The following DLG5 variants were observed in gnomAD, a reference collection of about 807,000 sequenced individuals.
The protein encoded by DLG5 is disks large homolog 5.
A neutral mutation model predicts 189.8 loss-of-function variants in DLG5; 48 were observed. The ratio of observed to expected loss-of-function variants is 0.25; its 90% CI spans 0.20 to 0.32. The LOEUF (loss-of-function observed/expected upper bound fraction) is 0.32, where lower values mean the gene tolerates loss of function less well. DLG5 is among the 10% of genes least tolerant of loss of function. The probability of loss-of-function intolerance (pLI) is 1.00; values close to 1 mark genes in which losing one functional copy is unlikely to be tolerated. For missense variants in DLG5, 2,160 were observed against 2,544.7 expected, an observed-to-expected ratio of 0.85 and a Z score of 3.25; for synonymous variants, 1,016 against 1,054.1, an observed-to-expected ratio of 0.96 and a Z score of 0.70.
rs757999059 is a variant in DLG5 at position 77,835,865 on chromosome 10, G to C, written c.1495C>G (p.Arg499Gly). ...TGGCACAGAGCCTTGCACTGCTTTC[G>C]AAGGATTTCAACCTCCTTGTTGGCT... ...GRANKEVEIL[R>G]KQCKALCQEL... is the part of the protein sequence containing the mutation. The change falls in exon 8 of 32, where the codon CGA becomes GGA. Residue 499 changes from arginine to glycine, a missense_variant. By Grantham distance (125) the Arg-to-Gly change is moderately radical. Coordinates refer to ENST00000372391, the MANE Select transcript of DLG5 (RefSeq NM_004747.4). 1.2e-6 allele frequency: 2 copies of C among 1,614,000 alleles called. No individual in the cohort carries two copies. Among genetic ancestry groups the C allele is most frequent in the South Asian group, 2.2e-5 (2 of 91,080 alleles).
chr10:77,829,229 T>C (rs1385889167), intron 12 of DLG5, 126 bp downstream of exon 12: 3 of 1,336,090 alleles, frequency 2.2e-6, no homozygotes, highest in Middle Eastern at 2.7e-4. Context: ...GCACATGGGC[T>C]ACATTTAAAT....
intron 19 of DLG5, 113 bp from the exon 20 acceptor site, chr10:77,816,814 T>G: frequency 6.9e-7 from 1 of 1,452,422 alleles, no homozygotes; most frequent in South Asian, 1.3e-5. Flanking sequence ...CTGCATCGCA[T>G]AGTCTGGAGC....
intron 1 of DLG5, among the ~76,000 whole-genome samples, chr10:77,871,536 C>CTTTTTTTT (rs34326711): frequency 2.1e-4 from 18 of 83,912 alleles, no homozygotes; most frequent in Admixed American, 3.7e-4. Context: ...AAGCATCACA[C>CTTTTTTTT]TTTTTTTTTT....
chr10:77,888,431 A>C (rs1373929310), intron 1 of DLG5, among the ~76,000 whole-genome samples: 1 of 152,200 alleles, frequency 6.6e-6, no homozygotes, highest in Non-Finnish European at 1.5e-5. Context: ...GTAGCAAAGA[A>C]TGTGCAAAAA....
At chr10:77,810,986 C>T in intron 23 of DLG5, 108 bp downstream of exon 23, 1 of 1,411,482 alleles carries the variant, frequency 7.1e-7, no homozygotes, top group East Asian at 2.4e-5. Flanking sequence ...GGTGTGCGGC[C>T]TGCAGCACAT....
intron 2 of DLG5, among the ~76,000 whole-genome samples, chr10:77,867,728 A>G (rs762869025): frequency 3.9e-5 from 6 of 152,240 alleles, no homozygotes; most frequent in Non-Finnish European, 8.8e-5. Context: ...TGTGAACCTT[A>G]TTTGGAAAGG....
intron 2 of DLG5, among the ~76,000 whole-genome samples, chr10:77,866,496 T>C (rs1368814751): frequency 1.3e-5 from 2 of 152,204 alleles, no homozygotes; most frequent in Non-Finnish European, 2.9e-5. Flanking sequence ...CCTTTGCTCA[T>C]AAGAACCCCG....
chr10:77,807,784 A>T lies in DLG5; in HGVS notation c.4796+12T>A. On this transcript the variant is annotated intron_variant, in intron 25 of 31. Coordinates refer to ENST00000372391, the MANE Select transcript of DLG5 (RefSeq NM_004747.4). Reference sequence around the variant, plus strand: ...GTTCCAAATCTCCCACCGATTCCCCAGCCACTGGTACCTGATGTAGAAGCT... The same window carrying T: ...GTTCCAAATCTCCCACCGATTCCCCTGCCACTGGTACCTGATGTAGAAGCT... 1 of 1,609,266 alleles carries T rather than the reference A, an allele frequency of 6.2e-7. No individual in the cohort carries two copies.
chr10:77,807,016 T>G, intron 25 of DLG5, 88 bp from the exon 26 acceptor site: 1 of 1,453,968 alleles, frequency 6.9e-7, no homozygotes, highest in Non-Finnish European at 9.4e-7. Flanking sequence ...CCCCTAAGGC[T>G]GCCATTCTGC....
intron 1 of DLG5, among the ~76,000 whole-genome samples, chr10:77,875,732 G>A (rs1845065346): frequency 6.6e-6 from 1 of 152,062 alleles, no homozygotes; most frequent in African/African-American, 2.4e-5. Context: ...GGGGGACAGA[G>A]GGCTCATATC....
intron 1 of DLG5, among the ~76,000 whole-genome samples, chr10:77,912,922 G>A (rs1256832866): frequency 6.6e-6 from 1 of 152,124 alleles, no homozygotes; most frequent in Non-Finnish European, 1.5e-5. Flanking sequence ...TCTGTGAACT[G>A]TGGAGAACCC....
chr10:77,849,043 C>T (rs1465630512), intron 5 of DLG5, among the ~76,000 whole-genome samples: 1 of 152,198 alleles, frequency 6.6e-6, no homozygotes, highest in Admixed American at 6.5e-5. Context: ...ACTCGGACTG[C>T]CCAAACCCAG....
At chr10:77,863,113 A>G (rs1844537891) in intron 2 of DLG5, among the ~76,000 whole-genome samples, 1 of 152,194 alleles carries the variant, frequency 6.6e-6, no homozygotes, top group African/African-American at 2.4e-5. Context: ...CTTTTTTGAG[A>G]CAGGGTCTTG....
chr10:77,872,206 C>T (rs889204370), intron 1 of DLG5, among the ~76,000 whole-genome samples: 4 of 152,192 alleles, frequency 2.6e-5, no homozygotes, highest in African/African-American at 9.7e-5. Flanking sequence ...TGGAACGCTC[C>T]CCTCTTTCTT....
At chr10:77,840,580 G>A (rs1445657842) in intron 7 of DLG5, among the ~76,000 whole-genome samples, 1 of 152,112 alleles carries the variant, frequency 6.6e-6, no homozygotes, top group Non-Finnish European at 1.5e-5. Context: ...TTAGCCGGGC[G>A]TGGTGGCACA....
At chr10:77,869,555 T>G in intron 1 of DLG5, 1 of 300,814 alleles carries the variant, frequency 3.3e-6, no homozygotes, top group East Asian at 1.1e-4. Context: ...AGCAATATGA[T>G]TCTGGCTTCC....
At chr10:77,806,092 TCTA>T in intron 26 of DLG5, 1 of 487,396 alleles carries the variant, frequency 2.1e-6, no homozygotes, top group South Asian at 4.4e-5. Flanking sequence ...GGCGATTTTT[TCTA>T]CTACAGCATA....
intron 1 of DLG5, among the ~76,000 whole-genome samples, chr10:77,886,040 G>A (rs1845428320): frequency 6.6e-6 from 1 of 152,198 alleles, no homozygotes; most frequent in Non-Finnish European, 1.5e-5. Context: ...AGGGGCAGTC[G>A]GTCAACAGAG....
At chr10:77,909,415 T>C (rs1255287616) in intron 1 of DLG5, among the ~76,000 whole-genome samples, 1 of 152,018 alleles carries the variant, frequency 6.6e-6, no homozygotes, top group Non-Finnish European at 1.5e-5. Context: ...GATGACGGGT[T>C]GATGGGTGCA....
Sources: gnomAD v4.1 joint callset for allele counts (sites outside exome capture counted in the v4.1 genomes callset) on GRCh38, gnomAD v4.1.1 for gene constraint, MANE v1.5 for transcripts, NCBI Gene and HGNC (gene_info 2026-07-23, HGNC 2026-07-21) for gene names.